The following NSG2 variants were observed in gnomAD, a reference collection of about 807,000 sequenced individuals.
NSG2 encodes neuronal vesicle trafficking associated 2.
In NSG2, 4 loss-of-function variants were observed where a neutral mutation model predicts 16.9. The observed-to-expected ratio is 0.24, with a 90% CI of 0.12 to 0.54. The LOEUF (loss-of-function observed/expected upper bound fraction) is 0.54, where lower values mean the gene tolerates loss of function less well. NSG2 is among the 20% of genes least tolerant of loss of function. NSG2 has a pLI of 0.95. For missense variants in NSG2, 179 were observed against 221.1 expected (o/e 0.81, Z 1.21); for synonymous variants, 98 against 88.7 (o/e 1.11, Z -0.59).
chr5:174,085,577 C>T (rs1760596200), intron 3 of NSG2, among the ~76,000 whole-genome samples: 1 of 152,344 alleles, frequency 6.6e-6, no homozygotes, highest in South Asian at 2.1e-4. Context: ...GCCCATTTGC[C>T]TGCATTTTGG....
intron 3 of NSG2, among the ~76,000 whole-genome samples, chr5:174,095,607 ACT>A (rs1254139399): frequency 6.6e-6 from 1 of 152,158 alleles, no homozygotes; most frequent in African/African-American, 2.4e-5. Flanking sequence ...AAGATTCTTA[ACT>A]AAATTACATC....
intron 3 of NSG2, among the ~76,000 whole-genome samples, chr5:174,090,922 A>G (rs1760711492): frequency 6.6e-6 from 1 of 151,954 alleles, no homozygotes; most frequent in Non-Finnish European, 1.5e-5. Flanking sequence ...TGGCAGGGGA[A>G]CCCCCACTGG....
intron 3 of NSG2, among the ~76,000 whole-genome samples, chr5:174,078,276 C>CCA (rs368501074): frequency 2.0e-3 from 297 of 149,694 alleles, no homozygotes; most frequent in Middle Eastern, 6.9e-3. Context: ...CGCACACACA[C>CCA]CACACACACA....
At chr5:174,046,553 T>G (rs1759799019) in intron 1 of NSG2, 181 bp from the exon 2 acceptor site, 2 of 575,864 alleles carry the variant, frequency 3.5e-6, no homozygotes, top group Admixed American at 6.5e-5. Flanking sequence ...TTTTGATGAT[T>G]AAAGAAGTTT....
intron 3 of NSG2, among the ~76,000 whole-genome samples, chr5:174,100,377 G>A (rs1760879776): frequency 1.3e-5 from 2 of 152,214 alleles, no homozygotes; most frequent in Non-Finnish European, 2.9e-5. Context: ...CATTTGAAAC[G>A]TTTGAATCCC....
intron 3 of NSG2, among the ~76,000 whole-genome samples, chr5:174,095,504 T>A (rs921918175): frequency 6.6e-6 from 1 of 152,178 alleles, no homozygotes; most frequent in African/African-American, 2.4e-5. Context: ...TGGCTTCTCT[T>A]CTTTCTGTGG....
intron 3 of NSG2, among the ~76,000 whole-genome samples, chr5:174,088,417 C>T (rs538516612): frequency 1.1e-4 from 16 of 152,278 alleles, no homozygotes; most frequent in East Asian, 3.9e-4. Context: ...CCCAAGGAAA[C>T]GATTCCTTTT....
chr5:174,052,305 G>T (rs188738547), intron 2 of NSG2, among the ~76,000 whole-genome samples: 22 of 152,238 alleles, frequency 1.4e-4, no homozygotes, highest in African/African-American at 5.3e-4. Context: ...TGGCAGTGGG[G>T]TGGGGAGGCT....
chr5:174,048,603 G>A (rs1248553613), intron 2 of NSG2, among the ~76,000 whole-genome samples: 1 of 152,190 alleles, frequency 6.6e-6, no homozygotes, highest in Non-Finnish European at 1.5e-5. Context: ...AGATCTGCAT[G>A]TCTTTAAGAA....
chr5:174,097,069 ACT>A (rs1430185708), intron 3 of NSG2, among the ~76,000 whole-genome samples: 4 of 151,772 alleles, frequency 2.6e-5, no homozygotes, highest in Non-Finnish European at 4.4e-5. Flanking sequence ...GTTCCCAATA[ACT>A]CTTAGCATCT....
Position 174,068,507 on chromosome 5 carries a change from G to A in NSG2, c.213+4192G>A, listed in dbSNP as rs192356613. On this transcript the variant is annotated intron_variant, in intron 3 of 4. Transcript: ENST00000303177. ...TGCTGGTGCTGTGGTGGGTGTTTGC[G>A]TCATGGGATCCTGGTGCTGTGGAAG... 1.6e-4 allele frequency among the ~76,000 whole-genome samples: 23 copies of A among 145,222 alleles called. 1 individual carries two copies. The East Asian group carries it at 3.7e-3, about 23-fold the overall frequency.
chr5:174,095,986 A>C (rs1486391212), intron 3 of NSG2, among the ~76,000 whole-genome samples: 3 of 152,252 alleles, frequency 2.0e-5, no homozygotes, highest in Non-Finnish European at 2.9e-5. Flanking sequence ...ACATAGAACT[A>C]GATGCCTGGC....
chr5:174,080,272 C>T (rs141344246), intron 3 of NSG2, among the ~76,000 whole-genome samples: 259 of 149,754 alleles, frequency 1.7e-3, no homozygotes, highest in African/African-American at 6.0e-3. Flanking sequence ...TCTTGCATTT[C>T]ACTTTTGCAG....
At chr5:174,075,219 G>A (rs1022466586) in intron 3 of NSG2, among the ~76,000 whole-genome samples, 13 of 152,048 alleles carry the variant, frequency 8.5e-5, no homozygotes, top group African/African-American at 2.9e-4. Flanking sequence ...ATATACGGAT[G>A]AGAAAGCTGG....
At chr5:174,092,933 A>G (rs1760742828) in intron 3 of NSG2, among the ~76,000 whole-genome samples, 1 of 152,196 alleles carries the variant, frequency 6.6e-6, no homozygotes, top group African/African-American at 2.4e-5. Context: ...CTGTAAAAAC[A>G]TATGGGGGAT....
Position 174,107,339 on chromosome 5 carries a change from T to A in NSG2, c.350T>A (p.Leu117Gln). The stretch of plus-strand genomic sequence containing the variant: ...CACAAACGCTGTATCCCAGCCTCCC[T>A]GGATGCTTACTACTCCTCCCAGGAC... The part of the protein sequence containing the change: ...YKHKRCIPAS[L>Q]DAYYSSQDPN... Residue 117 changes from leucine to glutamine, a missense_variant, in exon 5 of 5, where the codon CTG becomes CAG. Leu to Gln is a moderately radical substitution (Grantham distance 113). Coordinates refer to ENST00000303177, the MANE Select transcript of NSG2 (RefSeq NM_015980.5). The surrounding 1 kb of genome is among the most constrained non-coding windows in gnomAD (Gnocchi z 4.5). 6.3e-7 allele frequency: 1 copy of A among 1,583,502 alleles called. No homozygotes were observed. The highest frequency in any genetic ancestry group is 8.6e-7 in the Non-Finnish European group (1 of 1,159,502).
intron 3 of NSG2, among the ~76,000 whole-genome samples, chr5:174,084,900 C>T (rs1223114452): frequency 6.6e-6 from 1 of 152,222 alleles, no homozygotes; most frequent in Non-Finnish European, 1.5e-5. Flanking sequence ...GCGTGCACTC[C>T]TGTGTCTACT....
chr5:174,071,712 G>A (rs1186308495), intron 3 of NSG2, among the ~76,000 whole-genome samples: 1 of 152,166 alleles, frequency 6.6e-6, no homozygotes, highest in Admixed American at 6.5e-5. Flanking sequence ...TCAGGCTGGC[G>A]GGATTGTTAC....
intron 3 of NSG2, among the ~76,000 whole-genome samples, chr5:174,077,236 T>A (rs1371061040): frequency 2.8e-4 from 42 of 152,216 alleles, no homozygotes; most frequent in Non-Finnish European, 1.5e-5. Flanking sequence ...AAAATAAATC[T>A]TGCAGATATT....
Sources: allele counts gnomAD v4.1 joint callset (sites outside exome capture counted in the v4.1 genomes callset), GRCh38; gene constraint gnomAD v4.1.1; non-coding constraint Gnocchi (gnomAD v3.1); transcripts MANE v1.5; gene names NCBI Gene and HGNC (gene_info 2026-07-23, HGNC 2026-07-21).